The following CALN1 variants were observed in gnomAD, a reference collection of about 807,000 sequenced individuals.
CALN1 encodes the protein calcium-binding protein 8.
Under a neutral mutation model 30.6 loss-of-function variants are expected in CALN1, and 17 were observed. The ratio of observed to expected loss-of-function variants is 0.56; its 90% CI spans 0.38 to 0.83. The LOEUF (loss-of-function observed/expected upper bound fraction) is 0.83, where lower values mean the gene tolerates loss of function less well. Among genes scored for constraint, CALN1 ranks in the 40% least tolerant of loss-of-function variants. The pLI, the probability that CALN1 is intolerant of heterozygous loss-of-function variation, is 0.00. For synonymous variants in CALN1, 156 were observed against 131.4 expected, an observed-to-expected ratio of 1.19 and a Z score of -1.28; for missense variants, 291 against 354.9, an observed-to-expected ratio of 0.82 and a Z score of 1.45.
At chr7:71,794,261 T>C (rs1786754001) in intron 6 of CALN1, among the ~76,000 whole-genome samples, 1 of 152,186 alleles carries the variant, frequency 6.6e-6, no homozygotes, top group Non-Finnish European at 1.5e-5. Context: ...TGCATAGCAA[T>C]AAACAGGTCC....
chr7:71,980,031 C>A (rs113851650), intron 5 of CALN1, among the ~76,000 whole-genome samples: 2,635 of 151,590 alleles, frequency 0.017, 64 homozygotes, highest in African/African-American at 0.058. Flanking sequence ...GTGTGTGCCA[C>A]CACATCCAGT....
At chr7:71,824,531 T>C (rs1278359241) in intron 5 of CALN1, among the ~76,000 whole-genome samples, 1 of 152,110 alleles carries the variant, frequency 6.6e-6, no homozygotes, top group Non-Finnish European at 1.5e-5. Context: ...CCGGCTGCCT[T>C]GTGAGGCCTT....
rs561793701 is a variant in CALN1, at chr7:71,792,597, A to G, written c.659-4695T>C. Reference sequence around the variant, plus strand: ...CTTTATCCCATCAGTAGGCAAATGTACAAAGATACCAAGTCCCAGGAAGGA... The same window carrying G: ...CTTTATCCCATCAGTAGGCAAATGTGCAAAGATACCAAGTCCCAGGAAGGA... On this transcript the variant is annotated intron_variant, in intron 6 of 6. Transcript: ENST00000395275. 5.4e-4 allele frequency among the ~76,000 whole-genome samples: 82 copies of G among 152,298 alleles called. 1 individual carries two copies. The highest frequency in any genetic ancestry group is 3.4e-3 in the Middle Eastern group (1 of 294).
At chr7:71,858,517 C>T (rs1053876916) in intron 5 of CALN1, among the ~76,000 whole-genome samples, 3 of 150,544 alleles carry the variant, frequency 2.0e-5, no homozygotes, top group African/African-American at 7.4e-5. Context: ...AAAAAAAAAG[C>T]TACAGACCTC....
At position 71,967,615 on chromosome 7, in the gene CALN1, G is replaced by A. The variant is rs1400308191; in HGVS notation, c.501+56042C>T. On this transcript the variant is annotated intron_variant, in intron 5 of 6. Transcript: ENST00000395275. ...CACTCCAGCCTGGGCGACAGAGTGA[G>A]ACCCTGTTTCAAAAAAAAAAAAAAA... 6.3e-5 allele frequency among the ~76,000 whole-genome samples: 8 copies of A among 127,740 alleles called. No individual in the cohort carries two copies. The Admixed American group carries it at 7.2e-4, about 11-fold the overall frequency. The allele number at this position is 127,740 out of a possible 152,430, so 83.8% of individuals were successfully genotyped here.
chr7:72,237,397 G>T lies in CALN1; in HGVS notation c.244+41289C>A, dbSNP rs1334377403. The stretch of plus-strand genomic sequence containing the variant: ...AATCCCACCCCCATGGCCAGAAGCT[G>T]AAATTGGGAGGTCCTTATTCCAGAT... On this transcript the variant is annotated intron_variant, in intron 3 of 6. Coordinates refer to ENST00000395275, the MANE Select transcript of CALN1 (RefSeq NM_031468.4). Among the ~76,000 whole-genome samples the T allele has an allele frequency of 2.6e-5, 4 of 152,270 alleles. No homozygotes were observed. In the East Asian group the frequency reaches 7.7e-4, roughly 29 times the overall value.
chr7:71,850,815 T>G (rs1472949045), intron 5 of CALN1, among the ~76,000 whole-genome samples: 1 of 152,210 alleles, frequency 6.6e-6, no homozygotes, highest in African/African-American at 2.4e-5. Flanking sequence ...GAATTTTGTT[T>G]ACTACTATCC....
chr7:72,464,010 G>C, the CALN1 span, among the ~76,000 whole-genome samples: 1 of 140,202 alleles, frequency 7.1e-6, no homozygotes, highest in East Asian at 2.1e-4. Flanking sequence ...GGAGGGAGGG[G>C]AAGAAAGAGA....
rs985326689 is a variant in CALN1, at chr7:72,256,918, C to A, written c.244+21768G>T. ...AAGTACCCTGCCATGTGCCAGGCAC[C>A]TTGCCACATCCTCCTCCCAGGAGGT... On this transcript the variant is annotated intron_variant, in intron 3 of 6. Transcript: ENST00000395275. Among the ~76,000 whole-genome samples, 5 of 152,310 alleles carry A rather than the reference C, an allele frequency of 3.3e-5. No individual in the cohort carries two copies. In the South Asian group the frequency reaches 1.0e-3, roughly 32 times the overall value.
chr7:72,018,338 A>C (rs1392368866), intron 5 of CALN1, among the ~76,000 whole-genome samples: 1 of 152,064 alleles, frequency 6.6e-6, no homozygotes, highest in Non-Finnish European at 1.5e-5. Flanking sequence ...CCCAGTCCTG[A>C]GTCTCAGCCC....
chr7:71,951,674 C>CA (rs1276382055), intron 5 of CALN1, among the ~76,000 whole-genome samples: 1 of 152,146 alleles, frequency 6.6e-6, no homozygotes, highest in Non-Finnish European at 1.5e-5. Context: ...TGCAAGAACT[C>CA]AGTGAGGAGT....
intron 5 of CALN1, among the ~76,000 whole-genome samples, chr7:71,825,179 A>G (rs977440364): frequency 6.6e-6 from 1 of 152,172 alleles, no homozygotes; most frequent in Admixed American, 6.5e-5. Context: ...GGAGACACCA[A>G]TGTAACCAGA....
chr7:72,200,572 T>C (rs1791347939), intron 3 of CALN1, among the ~76,000 whole-genome samples: 1 of 152,068 alleles, frequency 6.6e-6, no homozygotes, highest in Non-Finnish European at 1.5e-5. Flanking sequence ...GTAATGGAGC[T>C]GGTGGGGTGG....
chr7:72,274,015 A>G (rs1484648373), intron 3 of CALN1, among the ~76,000 whole-genome samples: 1 of 152,214 alleles, frequency 6.6e-6, no homozygotes, highest in Non-Finnish European at 1.5e-5. Context: ...ATAATTTATG[A>G]CCAGAAACAG....
rs1181042971 is a variant in CALN1 at position 71,785,574 on chromosome 7, A to C, written c.*2201T>G. Reference sequence around the variant, plus strand: ...CCTGGGGTTTCTACCCAGTCTACTTAGGGTCCTGCACCCCTATGGATGTGG... The same window carrying C: ...CCTGGGGTTTCTACCCAGTCTACTTCGGGTCCTGCACCCCTATGGATGTGG... On this transcript the variant is annotated 3_prime_UTR_variant, in exon 7 of 7. Transcript: ENST00000395275. 2 of 152,078 alleles carry C rather than the reference A, an allele frequency of 1.3e-5. No individual in the cohort carries two copies. Among genetic ancestry groups the C allele is most frequent in the Non-Finnish European group, 2.9e-5 (2 of 68,024 alleles). The allele number at this position is 152,078 out of a possible 1,614,324, so 9.4% of individuals were successfully genotyped here. A position where few individuals can be genotyped will look rare whatever the true frequency, so the allele number is the denominator to read the frequency against.
chr7:72,217,832 A>ATTTTTTTTT (rs35736777), intron 3 of CALN1, among the ~76,000 whole-genome samples: 1 of 67,324 alleles, frequency 1.5e-5, no homozygotes, highest in Non-Finnish European at 2.5e-5. Flanking sequence ...AATTAAATAA[A>ATTTTTTTTT]TTTTTTTTTT....
At chr7:72,126,673 A>G (rs1808787861) in intron 3 of CALN1, among the ~76,000 whole-genome samples, 1 of 151,972 alleles carries the variant, frequency 6.6e-6, no homozygotes. Flanking sequence ...GCATCCTCAT[A>G]GCTTAGCTCA....
intron 2 of CALN1, among the ~76,000 whole-genome samples, chr7:72,336,265 C>T (rs1181681097): frequency 6.6e-6 from 1 of 152,186 alleles, no homozygotes; most frequent in Non-Finnish European, 1.5e-5. Flanking sequence ...GCCGGGCGCT[C>T]CCACCTGGGC....
chr7:72,167,948 A>T (rs1479966357), intron 3 of CALN1, among the ~76,000 whole-genome samples: 2 of 152,218 alleles, frequency 1.3e-5, no homozygotes, highest in African/African-American at 4.8e-5. Context: ...GGAAGATAGA[A>T]TTCTGCTAAT....
Sources: gnomAD v4.1 joint callset for allele counts (sites outside exome capture counted in the v4.1 genomes callset) on GRCh38, gnomAD v4.1.1 for gene constraint, MANE v1.5 for transcripts, NCBI Gene and HGNC (gene_info 2026-07-23, HGNC 2026-07-21) for gene names.